The following CNTNAP5 variants were observed in gnomAD, a reference collection of about 807,000 sequenced individuals.
The protein encoded by CNTNAP5 is contactin-associated protein-like 5.
In CNTNAP5, 72 loss-of-function variants were observed where a neutral mutation model predicts 150.2. The ratio of observed to expected loss-of-function variants is 0.48; its 90% CI spans 0.40 to 0.58. The LOEUF (loss-of-function observed/expected upper bound fraction) is 0.58, where lower values mean the gene tolerates loss of function less well. Among genes scored for constraint, CNTNAP5 ranks in the 20% least tolerant of loss-of-function variants. The probability of loss-of-function intolerance (pLI) is 0.00; values close to 1 mark genes in which losing one functional copy is unlikely to be tolerated. For synonymous variants in CNTNAP5, 672 were observed against 619.8 expected (o/e 1.08, Z -1.25); for missense variants, 1,636 against 1,626.2 (o/e 1.01, Z -0.10).
intron 19 of CNTNAP5, among the ~76,000 whole-genome samples, chr2:124,860,677 G>A (rs1677506548): frequency 6.6e-6 from 1 of 152,026 alleles, no homozygotes; most frequent in Non-Finnish European, 1.5e-5. Context: ...TGGCTCCCAA[G>A]GATTTTATTG....
chr2:124,716,844 A>C (rs1332466191), intron 13 of CNTNAP5, among the ~76,000 whole-genome samples: 1 of 152,168 alleles, frequency 6.6e-6, no homozygotes, highest in Admixed American at 6.6e-5. Context: ...TGCAGTTTCC[A>C]ACAACCTGTG....
At chr2:124,877,745 T>C (rs1172186086) in intron 21 of CNTNAP5, among the ~76,000 whole-genome samples, 1 of 152,110 alleles carries the variant, frequency 6.6e-6, no homozygotes, top group East Asian at 1.9e-4. Context: ...GTGTAGGCTA[T>C]GCTAAATATT....
intron 1 of CNTNAP5, among the ~76,000 whole-genome samples, chr2:124,168,500 A>T (rs146154297): frequency 2.6e-5 from 4 of 152,308 alleles, no homozygotes; most frequent in African/African-American, 9.6e-5. Context: ...ATTCAGATGG[A>T]TGTTAAGAAA....
chr2:124,674,533 TTCTTTC>T (rs1231691175), intron 13 of CNTNAP5, among the ~76,000 whole-genome samples: 2 of 145,202 alleles, frequency 1.4e-5, no homozygotes, highest in East Asian at 2.0e-4. Flanking sequence ...CTTTCTTTCT[TTCTTTC>T]TTTCTTTCTT....
chr2:124,634,903 A>G (rs1167081002), intron 12 of CNTNAP5, among the ~76,000 whole-genome samples: 3 of 152,180 alleles, frequency 2.0e-5, no homozygotes, highest in Non-Finnish European at 4.4e-5. Context: ...GTCTCTAGGA[A>G]GTTCCAAACT....
intron 3 of CNTNAP5, among the ~76,000 whole-genome samples, chr2:124,319,813 C>A (rs1231674989): frequency 6.6e-6 from 1 of 152,120 alleles, no homozygotes; most frequent in Non-Finnish European, 1.5e-5. Flanking sequence ...GGGAAGGTGG[C>A]AAAATTGCCT....
At chr2:124,408,855 C>A (rs1192918838) in intron 3 of CNTNAP5, among the ~76,000 whole-genome samples, 1 of 152,194 alleles carries the variant, frequency 6.6e-6, no homozygotes, top group African/African-American at 2.4e-5. Context: ...GAATGCAGTT[C>A]CTCACCAGCA....
At chr2:124,228,229 C>T (rs1423569029) in intron 2 of CNTNAP5, among the ~76,000 whole-genome samples, 1 of 152,116 alleles carries the variant, frequency 6.6e-6, no homozygotes, top group African/African-American at 2.4e-5. Context: ...GATGAATATT[C>T]CAGCCCCAGG....
intron 3 of CNTNAP5, among the ~76,000 whole-genome samples, chr2:124,356,960 C>T (rs545437469): frequency 3.3e-5 from 5 of 152,210 alleles, no homozygotes; most frequent in South Asian, 4.2e-4. Context: ...ACATCCTCTC[C>T]AGCACCTGTT....
intron 1 of CNTNAP5, among the ~76,000 whole-genome samples, chr2:124,065,421 T>C (rs1682129539): frequency 6.6e-6 from 1 of 151,046 alleles, no homozygotes; most frequent in African/African-American, 2.4e-5. Flanking sequence ...GATGCAAAGG[T>C]AATTTATTTA....
intron 13 of CNTNAP5, among the ~76,000 whole-genome samples, chr2:124,732,066 T>A (rs1411942938): frequency 6.6e-6 from 1 of 152,144 alleles, no homozygotes; most frequent in Admixed American, 6.6e-5. Flanking sequence ...AAGAAATTTT[T>A]AAAAATGTAT....
intron 11 of CNTNAP5, among the ~76,000 whole-genome samples, chr2:124,584,913 A>C (rs1185290571): frequency 6.6e-6 from 1 of 152,208 alleles, no homozygotes; most frequent in African/African-American, 2.4e-5. Context: ...AACAAACATC[A>C]GATTTACAGA....
chr2:124,747,530 A>C, intron 14 of CNTNAP5, 145 bp downstream of exon 14: 1 of 925,854 alleles, frequency 1.1e-6, no homozygotes, highest in East Asian at 2.5e-5. Context: ...TAACCTTAAA[A>C]ATGGTAAATT....
intron 19 of CNTNAP5, among the ~76,000 whole-genome samples, chr2:124,848,386 C>CT (rs2104700641): frequency 6.6e-6 from 1 of 152,212 alleles, no homozygotes; most frequent in East Asian, 1.9e-4. Context: ...TAATGTACCA[C>CT]TTTTTCTTTA....
At chr2:124,738,603 C>T (rs533831741) in intron 13 of CNTNAP5, among the ~76,000 whole-genome samples, 25 of 151,962 alleles carry the variant, frequency 1.6e-4, no homozygotes, top group Non-Finnish European at 2.9e-4. Context: ...TGGCGGCACA[C>T]GCCTGTAGTC....
At chr2:124,125,811 C>T (rs1334148338) in intron 1 of CNTNAP5, among the ~76,000 whole-genome samples, 1 of 152,168 alleles carries the variant, frequency 6.6e-6, no homozygotes, top group Non-Finnish European at 1.5e-5. Context: ...TCCTGAATGA[C>T]TACTGGGTAC....
intron 1 of CNTNAP5, among the ~76,000 whole-genome samples, chr2:124,128,074 C>G (rs889602800): frequency 6.6e-6 from 1 of 152,108 alleles, no homozygotes; most frequent in Non-Finnish European, 1.5e-5. Context: ...TCTAATTAAA[C>G]TAAAGAGCTT....
intron 1 of CNTNAP5, among the ~76,000 whole-genome samples, chr2:124,214,367 CCCT>C (rs1010430600): frequency 2.0e-5 from 3 of 152,132 alleles, no homozygotes; most frequent in African/African-American, 7.2e-5. Flanking sequence ...AGCACTAACC[CCCT>C]CTTCTGGGTG....
intron 3 of CNTNAP5, among the ~76,000 whole-genome samples, chr2:124,326,028 T>C (rs1269919511): frequency 1.3e-5 from 2 of 152,122 alleles, no homozygotes; most frequent in Non-Finnish European, 2.9e-5. Context: ...GAAATGAGTA[T>C]AAGGAGGATA....
Sources: allele counts gnomAD v4.1 joint callset (sites outside exome capture counted in the v4.1 genomes callset), GRCh38; gene constraint gnomAD v4.1.1; transcripts MANE v1.5; gene names NCBI Gene and HGNC (gene_info 2026-07-23, HGNC 2026-07-21).